EYS: variants seen among roughly 807,000 people sequenced by gnomAD.
EYS encodes protein eyes shut homolog.
In EYS, 250 loss-of-function variants were observed where a neutral mutation model predicts 282.1. The observed-to-expected ratio is 0.89, with a 90% CI of 0.80 to 0.98. The LOEUF is 0.98. EYS is among the 50% of genes least tolerant of loss of function. The pLI, the probability that EYS is intolerant of heterozygous loss-of-function variation, is 0.00. For missense variants in EYS, 4,016 were observed against 3,709.0 expected, an observed-to-expected ratio of 1.08 and a Z score of -2.15; for synonymous variants, 1,355 against 1,282.9, an observed-to-expected ratio of 1.06 and a Z score of -1.20.
At chr6:63,925,661 T>G (rs1458727379) in intron 35 of EYS, among the ~76,000 whole-genome samples, 1 of 152,230 alleles carries the variant, frequency 6.6e-6, no homozygotes, top group Admixed American at 6.5e-5. Context: ...GTTTGTTTTT[T>G]GAGACAGAGT....
At chr6:64,468,199 A>C (rs1018042725) in intron 26 of EYS, among the ~76,000 whole-genome samples, 1 of 152,148 alleles carries the variant, frequency 6.6e-6, no homozygotes, top group Non-Finnish European at 1.5e-5. Context: ...CCTTGTTCCC[A>C]ACAAAGCCTT....
intron 26 of EYS, among the ~76,000 whole-genome samples, chr6:64,484,698 A>T (rs1417701942): frequency 3.3e-5 from 5 of 151,634 alleles, no homozygotes; most frequent in Non-Finnish European, 7.4e-5. Flanking sequence ...ATCTGTGCTT[A>T]GACCAAGGCA....
chr6:64,470,304 A>G (rs964381038), intron 26 of EYS, among the ~76,000 whole-genome samples: 3 of 152,252 alleles, frequency 2.0e-5, no homozygotes, highest in Non-Finnish European at 2.9e-5. Flanking sequence ...AATTAGAAAT[A>G]GTGATATTAA....
At chr6:65,574,198 T>C (rs1764578333) in intron 2 of EYS, among the ~76,000 whole-genome samples, 1 of 152,198 alleles carries the variant, frequency 6.6e-6, no homozygotes. Flanking sequence ...CTGGCACCTC[T>C]AGTGGGACCC....
intron 31 of EYS, among the ~76,000 whole-genome samples, chr6:64,178,401 ACT>A (rs1764696582): frequency 5.3e-5 from 8 of 152,026 alleles, no homozygotes; most frequent in Admixed American, 5.2e-4. Context: ...AATTGCTCTG[ACT>A]CTGTAATTTT....
chr6:65,043,548 G>A (rs1773003278), intron 13 of EYS, among the ~76,000 whole-genome samples: 2 of 151,216 alleles, frequency 1.3e-5, no homozygotes, highest in Admixed American at 6.6e-5. Context: ...ATTCCCTCCT[G>A]CGCCCCTCCT....
Position 64,436,173 on chromosome 6 carries a change from C to T in EYS, c.5927+1G>A, listed in dbSNP as rs1444115520. 5 of 1,478,668 alleles carry T rather than the reference C, an allele frequency of 3.4e-6. No individual in the cohort carries two copies. Among genetic ancestry groups the T allele is most frequent in the Non-Finnish European group, 4.6e-6 (5 of 1,094,592 alleles). The allele number at this position is 1,478,668 out of a possible 1,614,324, so 91.6% of individuals were successfully genotyped here. A position where few individuals can be genotyped will look rare whatever the true frequency, so the allele number is the denominator to read the frequency against. ...AACTGGAAAAGAAATAATTATCTTA[C>T]CTGATAAGCAGTGTATACTTTTGCC... On this transcript the variant is annotated splice_donor_variant, in intron 28 of 42. Coordinates refer to ENST00000503581, the MANE Select transcript of EYS (RefSeq NM_001142800.2). LOFTEE classifies it high-confidence loss of function.
chr6:64,810,155 AG>A (rs1764549857), intron 22 of EYS, among the ~76,000 whole-genome samples: 1 of 152,104 alleles, frequency 6.6e-6, no homozygotes, highest in African/African-American at 2.4e-5. Flanking sequence ...CCTGACTTGA[AG>A]AAATAAATAA....
chr6:65,230,300 C>G (rs1766734225), intron 12 of EYS, among the ~76,000 whole-genome samples: 1 of 151,492 alleles, frequency 6.6e-6, no homozygotes, highest in Admixed American at 6.6e-5. Context: ...ATTTTAAAAT[C>G]CAATAAAGAA....
intron 30 of EYS, among the ~76,000 whole-genome samples, chr6:64,247,142 T>C (rs1224436368): frequency 6.6e-6 from 1 of 152,114 alleles, no homozygotes; most frequent in African/African-American, 2.4e-5. Flanking sequence ...CAAATTAACA[T>C]AAAACTTACA....
chr6:64,537,818 A>G (rs1764575172), intron 26 of EYS, among the ~76,000 whole-genome samples: 2 of 152,176 alleles, frequency 1.3e-5, no homozygotes. Flanking sequence ...TTTCCATTGC[A>G]ACCACCTCTG....
intron 12 of EYS, among the ~76,000 whole-genome samples, chr6:65,101,451 A>G (rs560141488): frequency 2.0e-4 from 31 of 151,398 alleles, no homozygotes; most frequent in African/African-American, 7.2e-4. Context: ...TCAACAGGCC[A>G]TATGACGTAT....
At chr6:63,765,813 C>T (rs1207538830) in intron 40 of EYS, among the ~76,000 whole-genome samples, 1 of 151,978 alleles carries the variant, frequency 6.6e-6, no homozygotes, top group Admixed American at 6.6e-5. Context: ...CGTTCTCAGC[C>T]TCTAGTGACC....
chr6:64,544,213 T>C (rs1764778050), intron 26 of EYS, among the ~76,000 whole-genome samples: 2 of 152,194 alleles, frequency 1.3e-5, no homozygotes, highest in Non-Finnish European at 2.9e-5. Flanking sequence ...CTTTTTAACC[T>C]GTACACTCGC....
rs539563001 is a variant in EYS at position 65,166,436 on chromosome 6, T to A, written c.2024-108709A>T. 7.3e-5 allele frequency among the ~76,000 whole-genome samples: 11 copies of A among 151,312 alleles called. No individual in the cohort carries two copies. The South Asian group carries it at 2.3e-3, about 31-fold the overall frequency. On this transcript the variant is annotated intron_variant, in intron 12 of 42. Coordinates refer to ENST00000503581, the MANE Select transcript of EYS (RefSeq NM_001142800.2). Reference sequence around the variant, plus strand: ...ATCCAGTTATATTTCCTCACATTTATGGTCAAGTAATTTTTAACAAGGATG... The same window carrying A: ...ATCCAGTTATATTTCCTCACATTTAAGGTCAAGTAATTTTTAACAAGGATG...
chr6:63,889,761 ATACATAACAATATT>A (rs1773360872), intron 35 of EYS, among the ~76,000 whole-genome samples: 1 of 152,234 alleles, frequency 6.6e-6, no homozygotes, highest in South Asian at 2.1e-4. Flanking sequence ...GATCAAATTA[ATACATAACAATATT>A]AACCTTAACT....
intron 37 of EYS, among the ~76,000 whole-genome samples, chr6:63,801,308 G>C (rs1770777250): frequency 6.6e-6 from 1 of 152,166 alleles, no homozygotes; most frequent in Non-Finnish European, 1.5e-5. Context: ...AAAGTAAAAT[G>C]GAGAGATCTT....
chr6:65,297,870 C>A (rs1768710237), intron 11 of EYS, among the ~76,000 whole-genome samples: 1 of 152,058 alleles, frequency 6.6e-6, no homozygotes, highest in Non-Finnish European at 1.5e-5. Context: ...CTGTGCTAGG[C>A]CTTGTTTAAC....
At chr6:65,245,529 C>A (rs966790401) in intron 12 of EYS, among the ~76,000 whole-genome samples, 1 of 152,076 alleles carries the variant, frequency 6.6e-6, no homozygotes, top group East Asian at 1.9e-4. Context: ...AGGCTGCCAC[C>A]TCAGCTTATT....
Sources: gnomAD v4.1 joint callset for allele counts (sites outside exome capture counted in the v4.1 genomes callset) on GRCh38, gnomAD v4.1.1 for gene constraint, MANE v1.5 for transcripts, NCBI Gene and HGNC (gene_info 2026-07-23, HGNC 2026-07-21) for gene names.